Variants in ANKRD30B observed in about 807,000 individuals in gnomAD.
The protein encoded by ANKRD30B is ankyrin repeat domain 30B.
A neutral mutation model predicts 202.2 loss-of-function variants in ANKRD30B; 144 were observed. The observed-to-expected ratio is 0.71, with a 90% CI of 0.62 to 0.82. The LOEUF (loss-of-function observed/expected upper bound fraction) is 0.82. Ranked by LOEUF, ANKRD30B falls within the 40% of genes least tolerant of loss-of-function variation. ANKRD30B has a pLI of 0.00. For synonymous variants in ANKRD30B, 508 were observed against 561.3 expected, an observed-to-expected ratio of 0.91 and a Z score of 1.34; for missense variants, 1,487 against 1,669.1, an observed-to-expected ratio of 0.89 and a Z score of 1.90.
At chr18:14,755,672 C>T (rs543729889) in intron 4 of ANKRD30B, among the ~76,000 whole-genome samples, 2 of 152,020 alleles carry the variant, frequency 1.3e-5, no homozygotes, top group South Asian at 2.1e-4. Context: ...TTTGTCCTTG[C>T]GATAGTTTGC....
rs113827056 is a variant in ANKRD30B, at chr18:14,753,401, C to G, written c.510+389C>G. On this transcript the variant is annotated intron_variant, in intron 3 of 43. Transcript: ENST00000690538. ...CCTCTTAAAGGATTGCATCTGGTGT[C>G]TCTTGAGCACATATGACTGTTTGGT... 6.1e-3 allele frequency among the ~76,000 whole-genome samples: 925 copies of G among 152,222 alleles called. 9 individuals are homozygous for G. The highest frequency in any genetic ancestry group is 0.02 in the African/African-American group (829 of 41,544).
chr18:14,832,781 G>A (rs376519849), intron 34 of ANKRD30B, among the ~76,000 whole-genome samples: 54 of 152,144 alleles, frequency 3.5e-4, no homozygotes, highest in African/African-American at 5.1e-4. Context: ...ATTAATGTGC[G>A]TTATCTTGAG....
intron 24 of ANKRD30B, among the ~76,000 whole-genome samples, chr18:14,807,821 G>A (rs1198243381): frequency 6.6e-6 from 1 of 150,912 alleles, no homozygotes; most frequent in Non-Finnish European, 1.5e-5. Flanking sequence ...CATGAGCCAC[G>A]GCACCTGGAC....
chr18:14,863,514 C>T, the ANKRD30B span, among the ~76,000 whole-genome samples: 1 of 151,914 alleles, frequency 6.6e-6, no homozygotes, highest in Non-Finnish European at 1.5e-5. Flanking sequence ...TCCCATGCTT[C>T]TACTGCCTGC....
At chr18:14,856,061 GCTC>G (rs1972099566), downstream of ANKRD30B, among the ~76,000 whole-genome samples, 1 of 131,472 alleles carries the variant, frequency 7.6e-6, no homozygotes, top group African/African-American at 2.8e-5. Flanking sequence ...GGGCAGAGGC[GCTC>G]CTCACCTCCT....
chr18:14,783,000 C>T (rs1294936795), intron 12 of ANKRD30B, among the ~76,000 whole-genome samples: 1 of 151,594 alleles, frequency 6.6e-6, no homozygotes, highest in Non-Finnish European at 1.5e-5. Context: ...ATAGACCATG[C>T]TTAGAAAGAT....
chr18:14,750,144 G>A (rs571882705), intron 1 of ANKRD30B, among the ~76,000 whole-genome samples: 24 of 152,042 alleles, frequency 1.6e-4, no homozygotes, highest in Admixed American at 2.6e-4. Flanking sequence ...ATAAAAGGCA[G>A]CATACTTGTA....
At chr18:14,763,326 A>G (rs1007832104) in intron 6 of ANKRD30B, among the ~76,000 whole-genome samples, 2 of 152,114 alleles carry the variant, frequency 1.3e-5, no homozygotes, top group African/African-American at 4.8e-5. Flanking sequence ...AGGCAGATGA[A>G]TTGCTTGAGC....
chr18:14,925,078 G>A, the ANKRD30B span, among the ~76,000 whole-genome samples: 2 of 152,210 alleles, frequency 1.3e-5, no homozygotes, highest in Admixed American at 6.5e-5. Flanking sequence ...TGGATAATGA[G>A]CCCTTGTTCC....
At chr18:14,805,576 C>T (rs1318142238) in intron 24 of ANKRD30B, among the ~76,000 whole-genome samples, 1 of 150,528 alleles carries the variant, frequency 6.6e-6, no homozygotes, top group East Asian at 1.9e-4. Context: ...AACACTTTCA[C>T]TGATGAGATG....
chr18:14,834,477 G>C (rs1051800688), intron 34 of ANKRD30B, among the ~76,000 whole-genome samples: 4 of 151,976 alleles, frequency 2.6e-5, no homozygotes, highest in African/African-American at 9.7e-5. Context: ...GTTTAAATGA[G>C]AGCAGGAACT....
chr18:14,866,790 G>C, the ANKRD30B span, among the ~76,000 whole-genome samples: 3 of 151,912 alleles, frequency 2.0e-5, no homozygotes, highest in African/African-American at 7.3e-5. Context: ...GGTTCACTGC[G>C]CTATCAGGGT....
intron 22 of ANKRD30B, among the ~76,000 whole-genome samples, chr18:14,800,565 C>G (rs1340910644): frequency 6.6e-6 from 1 of 151,016 alleles, no homozygotes. Flanking sequence ...ACCTTGTAAT[C>G]CACCCACCTC....
intron 15 of ANKRD30B, among the ~76,000 whole-genome samples, chr18:14,790,738 G>A (rs1260864541): frequency 2.0e-5 from 3 of 152,150 alleles, no homozygotes; most frequent in African/African-American, 7.2e-5. Flanking sequence ...CAGGGATGAA[G>A]CCCACTTGAT....
At chr18:14,868,887 G>A in the ANKRD30B span, among the ~76,000 whole-genome samples, 2 of 152,286 alleles carry the variant, frequency 1.3e-5, no homozygotes, top group East Asian at 1.9e-4. Flanking sequence ...GGACTCTCCT[G>A]TTGGTGTTCT....
chr18:14,915,955 G>A, the ANKRD30B span, among the ~76,000 whole-genome samples: 1 of 152,198 alleles, frequency 6.6e-6, no homozygotes, highest in Non-Finnish European at 1.5e-5. Flanking sequence ...GTCTAGAAAT[G>A]ACTTAAAGTT....
intron 4 of ANKRD30B, 118 bp downstream of exon 4, chr18:14,755,123 A>G (rs565160991): frequency 3.8e-5 from 21 of 559,458 alleles, no homozygotes; most frequent in African/African-American, 3.7e-4. Flanking sequence ...TTATAGTGAA[A>G]CATATCAACA....
the ANKRD30B span, among the ~76,000 whole-genome samples, chr18:14,862,307 A>AT: frequency 0.16 from 24,645 of 151,378 alleles, 2,491 homozygotes; most frequent in Non-Finnish European, 0.24. Flanking sequence ...GACCAAAAAA[A>AT]CCATACAAGG....
At chr18:14,806,202 A>G (rs1196615670) in intron 24 of ANKRD30B, among the ~76,000 whole-genome samples, 31 of 143,852 alleles carry the variant, frequency 2.2e-4, no homozygotes, top group African/African-American at 7.9e-4. Context: ...CCTGGGTGAC[A>G]GGGCGAGACA....
Sources: gnomAD v4.1 joint callset for allele counts (sites outside exome capture counted in the v4.1 genomes callset) on GRCh38, gnomAD v4.1.1 for gene constraint, MANE v1.5 for transcripts, NCBI Gene and HGNC (gene_info 2026-07-23, HGNC 2026-07-21) for gene names.